The following ZNF169 variants were observed in gnomAD, a reference collection of about 807,000 sequenced individuals.
The protein encoded by ZNF169 is zinc finger protein 169.
In ZNF169, 11 loss-of-function variants were observed where a neutral mutation model predicts 12.0. The observed-to-expected ratio is 0.92, with a 90% confidence interval of 0.58 to 1.52. The LOEUF is 1.52. ZNF169 is among the 40% of genes most tolerant of loss of function. The pLI, the probability that ZNF169 is intolerant of heterozygous loss-of-function variation, is 0.00. For synonymous variants in ZNF169, 302 were observed against 286.5 expected (o/e 1.05, Z -0.55); for missense variants, 722 against 744.0 (o/e 0.97, Z 0.34).
At chr9:94,299,791 T>C in intron 4 of ZNF169, 24 bp from the exon 5 acceptor site, 1 of 1,587,316 alleles carries the variant, frequency 6.3e-7, no homozygotes, top group Non-Finnish European at 8.6e-7. Context: ...GTGGTGATTC[T>C]GACCAAGACT....
At chr9:94,296,846 C>T (rs560536935) in intron 4 of ZNF169, 84 of 456,116 alleles carry the variant, frequency 1.8e-4, no homozygotes, top group Non-Finnish European at 3.4e-4. Flanking sequence ...GAGTTCGAGA[C>T]TAGTCTGGCC....
At chr9:94,299,583 C>T in intron 4 of ZNF169, 1 of 1,361,322 alleles carries the variant, frequency 7.3e-7, no homozygotes, top group Non-Finnish European at 9.4e-7. Flanking sequence ...TGTAACTCTA[C>T]TTGCAGCAAT....
intron 2 of ZNF169, among the ~76,000 whole-genome samples, chr9:94,284,022 A>G (rs1332736927): frequency 7.0e-6 from 1 of 142,870 alleles, no homozygotes; most frequent in African/African-American, 2.6e-5. Context: ...CAGTGAGCCG[A>G]GATTGCACTA....
intron 2 of ZNF169, chr9:94,287,557 G>C: frequency 7.3e-6 from 3 of 412,886 alleles, no homozygotes; most frequent in Admixed American, 3.7e-5. Flanking sequence ...GTAGAGACAG[G>C]GTTTCATTGT....
At position 94,300,230 on chromosome 9, in the gene ZNF169, G is replaced by A. The variant is rs1564094302; in HGVS notation, c.672G>A (p.Lys224=). The change falls in exon 5 of 5, where the codon AAG becomes AAA. Residue 224 remains lysine, a synonymous_variant. Coordinates refer to ENST00000395395, the MANE Select transcript of ZNF169 (RefSeq NM_194320.4). ...ACTATAGACTGGGACTTAGCAAAAA[G>A]TCAAGCCTGTTCAGCCACCAGAAGC... is the stretch of plus-strand genomic sequence containing the variant. The part of the protein sequence containing the change: ...RGNYRLGLSK[K]SSLFSHQKHH... 1 of 1,614,220 alleles carries A rather than the reference G, an allele frequency of 6.2e-7. No homozygotes were observed. Among genetic ancestry groups the A allele is most frequent in the Non-Finnish European group, 8.5e-7 (1 of 1,180,044 alleles).
chr9:94,278,284 C>A (rs1268183229), intron 1 of ZNF169, among the ~76,000 whole-genome samples: 1 of 152,044 alleles, frequency 6.6e-6, no homozygotes, highest in Non-Finnish European at 1.5e-5. Context: ...AGGGTGCAGC[C>A]AGAGTCACAT....
chr9:94,288,197 GT>G, intron 2 of ZNF169: 1 of 806,490 alleles, frequency 1.2e-6, no homozygotes. Context: ...GCTCCTACTT[GT>G]ACCCTGTCTT....
At chr9:94,285,229 A>G (rs1306515364) in intron 2 of ZNF169, among the ~76,000 whole-genome samples, 2 of 152,238 alleles carry the variant, frequency 1.3e-5, no homozygotes, top group African/African-American at 2.4e-5. Context: ...AGAATGCCTC[A>G]GCAAGGAAAT....
intron 1 of ZNF169, among the ~76,000 whole-genome samples, chr9:94,275,918 C>T (rs1178760558): frequency 2.7e-5 from 4 of 150,210 alleles, no homozygotes; most frequent in Admixed American, 6.6e-5. Flanking sequence ...AGTAGCTGGG[C>T]GCCTGCTACC....
intron 2 of ZNF169, among the ~76,000 whole-genome samples, chr9:94,281,642 G>T (rs1216788787): frequency 6.6e-6 from 1 of 152,206 alleles, no homozygotes; most frequent in Non-Finnish European, 1.5e-5. Context: ...AACGTGGTCA[G>T]TGTACAGCTT....
At chr9:94,269,413 T>C (rs1213512277) in intron 1 of ZNF169, among the ~76,000 whole-genome samples, 2 of 152,174 alleles carry the variant, frequency 1.3e-5, no homozygotes, top group Non-Finnish European at 2.9e-5. Context: ...ATCTCCATGC[T>C]TCCCTAGTAG....
intron 1 of ZNF169, among the ~76,000 whole-genome samples, chr9:94,262,987 T>G (rs1325112664): frequency 6.6e-6 from 1 of 152,192 alleles, no homozygotes; most frequent in Non-Finnish European, 1.5e-5. Flanking sequence ...TTTGCAAATT[T>G]ATTGGGAGTT....
intron 2 of ZNF169, chr9:94,287,696 C>G: frequency 8.8e-7 from 1 of 1,137,946 alleles, no homozygotes. Flanking sequence ...ATACGGTGTT[C>G]ATTTATGCTT....
intron 4 of ZNF169, 128 bp from the exon 5 acceptor site, chr9:94,299,687 A>C: frequency 6.9e-7 from 1 of 1,456,752 alleles, no homozygotes; most frequent in South Asian, 1.5e-5. Flanking sequence ...GCTGCAATAG[A>C]GCATGTAATG....
In ZNF169 at chr9:94,299,650, G is replaced by C. The variant is rs1453218655; in HGVS notation, c.257-165G>C. ...TTGAACCTTTTAGTTTGGCTGATAG[G>C]ACTAGTTTGTAGTGTGGGTTTTCTG... On this transcript the variant is annotated intron_variant, in intron 4 of 4. Coordinates refer to ENST00000395395, the MANE Select transcript of ZNF169 (RefSeq NM_194320.4). 9 of 1,414,804 alleles carry C rather than the reference G, an allele frequency of 6.4e-6. No homozygotes were observed. In the African/African-American group the frequency reaches 1.0e-4, roughly 16 times the overall value. The allele number at this position is 1,414,804 out of a possible 1,614,324, so 87.6% of individuals were successfully genotyped here.
chr9:94,261,414 A>T (rs1238504567), intron 1 of ZNF169, among the ~76,000 whole-genome samples: 1 of 152,198 alleles, frequency 6.6e-6, no homozygotes, highest in African/African-American at 2.4e-5. Context: ...CTGGGATTAC[A>T]AGCGTGAGCC....
At chr9:94,290,401 C>G (rs907423354) in intron 2 of ZNF169, among the ~76,000 whole-genome samples, 13 of 152,068 alleles carry the variant, frequency 8.5e-5, no homozygotes, top group Non-Finnish European at 1.6e-4. Context: ...ACAATAACTC[C>G]CCATCCCCAC....
At chr9:94,274,884 G>A (rs569318257) in intron 1 of ZNF169, among the ~76,000 whole-genome samples, 2 of 152,326 alleles carry the variant, frequency 1.3e-5, no homozygotes, top group Admixed American at 6.5e-5. Flanking sequence ...GCTTGGAGCT[G>A]TGGCTTGCTG....
chr9:94,290,191 T>C (rs1830801909), intron 2 of ZNF169, among the ~76,000 whole-genome samples: 1 of 152,200 alleles, frequency 6.6e-6, no homozygotes, highest in Non-Finnish European at 1.5e-5. Context: ...CAAAACAAAC[T>C]CTCAGTACAA....
Sources: allele counts gnomAD v4.1 joint callset (sites outside exome capture counted in the v4.1 genomes callset), GRCh38; gene constraint gnomAD v4.1.1; transcripts MANE v1.5; gene names NCBI Gene and HGNC (gene_info 2026-07-23, HGNC 2026-07-21).